Variants in TRIM14 observed in about 807,000 individuals in gnomAD.
TRIM14 encodes tripartite motif containing 14, also known as tripartite motif-containing protein 14.
In TRIM14, 28 loss-of-function variants were observed where a neutral mutation model predicts 44.5. That is an observed-to-expected ratio of 0.63 (90% CI 0.47 to 0.86). TRIM14 has a LOEUF of 0.86. Among genes scored for constraint, TRIM14 ranks in the 40% least tolerant of loss-of-function variants. The pLI, the probability that TRIM14 is intolerant of heterozygous loss-of-function variation, is 0.00. For missense variants in TRIM14, 607 were observed against 611.1 expected (o/e 0.99, Z 0.07); for synonymous variants, 299 against 269.2 (o/e 1.11, Z -1.08).
At chr9:98,106,720 G>T (rs1384898211) in intron 2 of TRIM14, among the ~76,000 whole-genome samples, 1 of 152,074 alleles carries the variant, frequency 6.6e-6, no homozygotes, top group Non-Finnish European at 1.5e-5. Context: ...CATATTCATG[G>T]ATTGGAAGAA....
At chr9:98,056,654 C>G in the TRIM14 span, 1 of 1,146,738 alleles carries the variant, frequency 8.7e-7, no homozygotes, top group Non-Finnish European at 1.2e-6. Flanking sequence ...GGGAGAGAGG[C>G]GGGGCCTAGG....
Position 98,101,682 on chromosome 9 carries a change from A to G in TRIM14, c.304-1518T>C, listed in dbSNP as rs576600223. Among the ~76,000 whole-genome samples the G allele has an allele frequency of 3.9e-5, 6 of 151,992 alleles. No homozygotes were observed. The East Asian group carries it at 1.2e-3, about 29-fold the overall frequency. ...GTGATCTGCCTGCCTTGGTCCCCCA[A>G]AGTGCTGGATTACAGGCATGAGCCA... On this transcript the variant is annotated intron_variant, in intron 2 of 5. Transcript: ENST00000341469.
In TRIM14 at chr9:98,087,636, A is replaced by T; in HGVS notation, c.1163T>A (p.Leu388His). 6.2e-7 allele frequency: 1 copy of T among 1,605,112 alleles called. No individual in the cohort carries two copies. Residue 388 changes from leucine (L) to histidine (H), a missense_variant, in exon 6 of 6, where the codon CTC becomes CAC. Physicochemically the swap from Leu to His is moderately conservative, Grantham distance 99. This residue lies in a region of TRIM14 where 356 missense variants were observed against 323.0 expected (regional missense o/e 1.10). Coordinates refer to ENST00000341469, the MANE Select transcript of TRIM14 (RefSeq NM_014788.4). ...QRSRLRPRDD[L>H]DRLGVFLDYE... Reference sequence around the variant, plus strand: ...GTCCAGGAAGACGCCGAGCCGGTCGAGGTCGTCGCGGGGCCGCAGGCGGCT... The same window carrying T: ...GTCCAGGAAGACGCCGAGCCGGTCGTGGTCGTCGCGGGGCCGCAGGCGGCT...
At chr9:98,106,513 T>C (rs58100391) in intron 2 of TRIM14, among the ~76,000 whole-genome samples, 1 of 152,062 alleles carries the variant, frequency 6.6e-6, no homozygotes, top group African/African-American at 2.4e-5. Context: ...GGTGGCAATA[T>C]CTTTCTAATT....
chr9:98,117,685 T>G (rs1240788286), intron 1 of TRIM14, among the ~76,000 whole-genome samples: 1 of 152,232 alleles, frequency 6.6e-6, no homozygotes, highest in Non-Finnish European at 1.5e-5. Flanking sequence ...CTGCTGCTAA[T>G]CAGAGTGGAT....
chr9:98,110,522 G>A (rs1826806756), intron 1 of TRIM14, among the ~76,000 whole-genome samples: 1 of 152,012 alleles, frequency 6.6e-6, no homozygotes, highest in Non-Finnish European at 1.5e-5. Context: ...AGTCTGCTCT[G>A]CACTCTCCTT....
chr9:98,109,310 C>G (rs181422948), intron 2 of TRIM14, among the ~76,000 whole-genome samples: 1 of 150,760 alleles, frequency 6.6e-6, no homozygotes, highest in Non-Finnish European at 1.5e-5. Flanking sequence ...GAGGGAGCAA[C>G]GGAGGATGCA....
chr9:98,078,208 T>A, intron 6 of TRIM14: 1 of 1,614,160 alleles, frequency 6.2e-7, no homozygotes, highest in Non-Finnish European at 8.5e-7. Flanking sequence ...CCAATGGTGA[T>A]CTCCAGTGGG....
chr9:98,052,838 G>T, the TRIM14 span, among the ~76,000 whole-genome samples: 2 of 152,196 alleles, frequency 1.3e-5, no homozygotes, highest in Non-Finnish European at 2.9e-5. Context: ...AGCCAGGACA[G>T]CCAATATTTC....
the TRIM14 span, among the ~76,000 whole-genome samples, chr9:98,057,266 G>A: frequency 2.7e-4 from 41 of 152,360 alleles, 1 homozygote; most frequent in South Asian, 7.7e-3. Context: ...CCCGCGGGTA[G>A]AGTCGAAACC....
At chr9:98,088,833 A>G (rs1475441261) in intron 5 of TRIM14, among the ~76,000 whole-genome samples, 1 of 152,178 alleles carries the variant, frequency 6.6e-6, no homozygotes, top group Non-Finnish European at 1.5e-5. Context: ...TTGCAAAACT[A>G]TCCTCCCCAA....
intron 4 of TRIM14, among the ~76,000 whole-genome samples, chr9:98,094,068 G>C (rs1826096294): frequency 2.0e-5 from 3 of 152,110 alleles, no homozygotes; most frequent in Admixed American, 1.3e-4. Flanking sequence ...TAGCAGTATA[G>C]CAGTTCCTGT....
chr9:98,115,148 G>A (rs1827002651), intron 1 of TRIM14, among the ~76,000 whole-genome samples: 1 of 151,892 alleles, frequency 6.6e-6, no homozygotes, highest in African/African-American at 2.4e-5. Flanking sequence ...GGAGTGCAGT[G>A]GCATGATCTC....
chr9:98,036,562 G>A, the TRIM14 span, among the ~76,000 whole-genome samples: 2 of 151,172 alleles, frequency 1.3e-5, no homozygotes, highest in African/African-American at 4.9e-5. Context: ...AGCACTTTGG[G>A]AGGTTCAGAT....
Position 98,091,841 on chromosome 9 carries a change from ATCC to A in TRIM14, c.793+65_793+67del, listed in dbSNP as rs1826003998. On this transcript the variant is annotated intron_variant, in intron 5 of 5. Coordinates refer to ENST00000341469, the MANE Select transcript of TRIM14 (RefSeq NM_014788.4). Reference sequence around the variant, plus strand: ...AAAAAGAGGGACCTCCATTTCCATGATCCTCCTCCACCCAACATCCCACCATCT... The same window carrying A: ...AAAAAGAGGGACCTCCATTTCCATGATCCTCCACCCAACATCCCACCATCT... 4.6e-6 allele frequency: 5 copies of A among 1,093,364 alleles called. No individual in the cohort carries two copies. In the South Asian group the frequency reaches 1.4e-4, roughly 31 times the overall value. The allele number at this position is 1,093,364 out of a possible 1,614,324, so 67.7% of individuals were successfully genotyped here.
At chr9:98,062,306 G>A in the TRIM14 span, among the ~76,000 whole-genome samples, 1 of 151,984 alleles carries the variant, frequency 6.6e-6, no homozygotes, top group Admixed American at 6.6e-5. Flanking sequence ...CACTGGCACT[G>A]TCCAGAAGGG....
chr9:98,067,323 G>T (rs1829177451), downstream of TRIM14, among the ~76,000 whole-genome samples: 1 of 152,142 alleles, frequency 6.6e-6, no homozygotes, highest in African/African-American at 2.4e-5. Context: ...CTTTTTTGAG[G>T]AACTGCCAGA....
intron 2 of TRIM14, among the ~76,000 whole-genome samples, chr9:98,109,296 G>A (rs79082438): frequency 6.9e-6 from 1 of 145,768 alleles, no homozygotes; most frequent in Admixed American, 6.6e-5. Context: ...CAGGATGAAA[G>A]GGGGAGGGAG....
rs115915283 is a variant in TRIM14 at position 98,118,921 on chromosome 9, G to T, written c.207+61C>A. On this transcript the variant is annotated intron_variant, in intron 1 of 5. Coordinates refer to ENST00000341469, the MANE Select transcript of TRIM14 (RefSeq NM_014788.4). ...GGCCAGGCACGCCCCCTCCTCGGCC[G>T]TTATGCCTGGGCTGGCTCCCCCAAC... 806 of 1,429,922 alleles carry T rather than the reference G, an allele frequency of 5.6e-4. 2 individuals are homozygous for T. In the African/African-American group the frequency reaches 0.011, roughly 19 times the overall value. The allele number at this position is 1,429,922 out of a possible 1,614,324, so 88.6% of individuals were successfully genotyped here.
Sources: allele counts gnomAD v4.1 joint callset (sites outside exome capture counted in the v4.1 genomes callset), GRCh38; gene constraint gnomAD v4.1.1; regional missense constraint gnomAD v4.1.1; transcripts MANE v1.5; gene names NCBI Gene and HGNC (gene_info 2026-07-23, HGNC 2026-07-21).